The following SOX6 variants were observed in gnomAD, a reference collection of about 807,000 sequenced individuals.
The protein encoded by SOX6 is transcription factor SOX-6.
Under a neutral mutation model 97.8 loss-of-function variants are expected in SOX6, and 11 were observed. The ratio of observed to expected loss-of-function variants is 0.11; its 90% CI spans 0.07 to 0.19. The LOEUF is 0.19. Among genes scored for constraint, SOX6 ranks in the 10% least tolerant of loss-of-function variants. The probability of loss-of-function intolerance (pLI) is 1.00; values close to 1 mark genes in which losing one functional copy is unlikely to be tolerated. For synonymous variants in SOX6, 360 were observed against 371.4 expected, an observed-to-expected ratio of 0.97 and a Z score of 0.35; for missense variants, 810 against 1,039.5, an observed-to-expected ratio of 0.78 and a Z score of 3.04.
chr11:16,371,521 T>C (rs922505589), intron 1 of SOX6, among the ~76,000 whole-genome samples: 1 of 152,092 alleles, frequency 6.6e-6, no homozygotes, highest in Non-Finnish European at 1.5e-5. Flanking sequence ...CGTAAGCTCC[T>C]TGAGGGCAGA....
At chr11:16,184,046 T>C (rs2134102216) in intron 5 of SOX6, 92 bp from the exon 6 acceptor site, 4 of 1,131,360 alleles carry the variant, frequency 3.5e-6, no homozygotes, top group South Asian at 2.5e-5. Flanking sequence ...AACAATCTTT[T>C]ACCGCACCTC....
At chr11:16,147,837 C>T (rs954219109) in intron 6 of SOX6, among the ~76,000 whole-genome samples, 1 of 152,170 alleles carries the variant, frequency 6.6e-6, no homozygotes, top group Admixed American at 6.6e-5. Context: ...CTCTCCTCTT[C>T]CTAAATTCTG....
chr11:16,651,122 AT>A (rs1218440183), intron 3 of SOX6, among the ~76,000 whole-genome samples: 2 of 152,064 alleles, frequency 1.3e-5, no homozygotes, highest in East Asian at 3.8e-4. Context: ...TAAAAGAGTA[AT>A]TTTTAAAACT....
intron 3 of SOX6, among the ~76,000 whole-genome samples, chr11:16,644,560 C>A (rs1391966960): frequency 6.6e-6 from 1 of 151,946 alleles, no homozygotes; most frequent in African/African-American, 2.4e-5. Context: ...TTGACAAGTG[C>A]ATTCATTTCA....
intron 2 of SOX6, among the ~76,000 whole-genome samples, chr11:16,735,413 G>A (rs1848384142): frequency 6.6e-6 from 1 of 152,046 alleles, no homozygotes. Flanking sequence ...AAAATGAACT[G>A]TTCTACAGCA....
chr11:16,090,084 CATT>C (rs1450366248), intron 9 of SOX6, among the ~76,000 whole-genome samples: 1 of 152,002 alleles, frequency 6.6e-6, no homozygotes, highest in African/African-American at 2.4e-5. Context: ...AAATACCTGT[CATT>C]ATTTTAGAAA....
intron 4 of SOX6, among the ~76,000 whole-genome samples, chr11:16,498,721 C>T (rs201729441): frequency 6.6e-6 from 1 of 152,156 alleles, no homozygotes; most frequent in Non-Finnish European, 1.5e-5. Flanking sequence ...AAGGCCATTA[C>T]ATAATGGTAA....
At chr11:16,479,055 T>C (rs200992172), upstream of SOX6, among the ~76,000 whole-genome samples, 28 of 151,684 alleles carry the variant, frequency 1.8e-4, no homozygotes, top group African/African-American at 6.1e-4. Context: ...AAATTTAAAT[T>C]AAAAAAAATA....
intron 3 of SOX6, among the ~76,000 whole-genome samples, chr11:16,671,609 GA>G (rs1014345038): frequency 6.6e-6 from 1 of 151,806 alleles, no homozygotes; most frequent in Admixed American, 6.6e-5. Context: ...AAAAGAAAAT[GA>G]AAAAAAATGA....
At chr11:16,453,803 C>T (rs534421584) in intron 1 of SOX6, among the ~76,000 whole-genome samples, 1 of 152,230 alleles carries the variant, frequency 6.6e-6, no homozygotes, top group South Asian at 2.1e-4. Context: ...TCGACATCTT[C>T]AGGTGTTTCC....
chr11:16,038,691 C>A (rs1478983317), intron 12 of SOX6, among the ~76,000 whole-genome samples: 2 of 151,950 alleles, frequency 1.3e-5, no homozygotes, highest in East Asian at 3.9e-4. Context: ...TAATACTATG[C>A]TTTGTATATA....
chr11:16,623,470 C>G (rs1848576670), intron 3 of SOX6, among the ~76,000 whole-genome samples: 2 of 151,948 alleles, frequency 1.3e-5, no homozygotes. Flanking sequence ...AGTCCTTTGT[C>G]AGATGTATAG....
At chr11:16,514,613 G>C (rs1860935454) in intron 4 of SOX6, among the ~76,000 whole-genome samples, 1 of 151,506 alleles carries the variant, frequency 6.6e-6, no homozygotes, top group African/African-American at 2.4e-5. Flanking sequence ...AGTTACATAG[G>C]TATACATGTG....
chr11:16,000,835 CTTTTTA>C (rs1854385296), intron 13 of SOX6, among the ~76,000 whole-genome samples: 1 of 151,880 alleles, frequency 6.6e-6, no homozygotes, highest in African/African-American at 2.4e-5. Flanking sequence ...TGGAAACAAA[CTTTTTA>C]TTTTTATTTA....
At chr11:16,101,465 C>G (rs1051554276) in intron 7 of SOX6, among the ~76,000 whole-genome samples, 1 of 151,642 alleles carries the variant, frequency 6.6e-6, no homozygotes, top group Admixed American at 6.6e-5. Context: ...AGAGTCTTGA[C>G]CTCAGAATTT....
intron 1 of SOX6, among the ~76,000 whole-genome samples, chr11:16,422,871 T>G (rs1312099075): frequency 6.6e-6 from 1 of 152,220 alleles, no homozygotes; most frequent in Non-Finnish European, 1.5e-5. Context: ...CTGCTACGAC[T>G]CTAGTCCAAG....
intron 1 of SOX6, among the ~76,000 whole-genome samples, chr11:16,353,552 T>C (rs1394122196): frequency 1.3e-5 from 2 of 152,016 alleles, no homozygotes; most frequent in Non-Finnish European, 2.9e-5. Flanking sequence ...CTATCTTGTA[T>C]TTCTCCCTCT....
intron 3 of SOX6, chr11:16,252,507 A>G (rs1853545327): frequency 1.3e-5 from 2 of 152,216 alleles, no homozygotes; most frequent in Admixed American, 6.5e-5. Context: ...TACCCAGTCA[A>G]AAGGGGATGG....
In SOX6 at chr11:16,562,193, T is replaced by A. The variant is rs1052269642; in HGVS notation, n.609+49888A>T. ...GATGGGGCAGAAGTACTTTTCCCCA[T>A]TCCTTCCCCAAAACACAACTAAAAA... is the stretch of plus-strand genomic sequence containing the variant. On this transcript the variant is annotated intron_variant and non_coding_transcript_variant, in intron 4 of 5. Transcript: ENST00000524520. Among the ~76,000 whole-genome samples, 10 of 152,086 alleles carry A rather than the reference T, an allele frequency of 6.6e-5. 1 individual carries two copies. The highest frequency in any genetic ancestry group is 2.2e-4 in the African/African-American group (9 of 41,414).
Sources: allele counts gnomAD v4.1 joint callset (sites outside exome capture counted in the v4.1 genomes callset), GRCh38; gene constraint gnomAD v4.1.1; transcripts MANE v1.5; gene names NCBI Gene and HGNC (gene_info 2026-07-23, HGNC 2026-07-21).